The following USH2A variants were observed in gnomAD, a reference collection of about 807,000 sequenced individuals.
The protein encoded by USH2A is usherin.
A neutral mutation model predicts 538.9 loss-of-function variants in USH2A; 443 were observed. The observed-to-expected ratio is 0.82, with a 90% CI of 0.76 to 0.89. USH2A has a LOEUF of 0.89. USH2A is among the 40% of genes least tolerant of loss of function. USH2A has a pLI of 0.00. For missense variants in USH2A, 6,633 were observed against 6,324.8 expected, an observed-to-expected ratio of 1.05 and a Z score of -1.65; for synonymous variants, 2,413 against 2,273.5, an observed-to-expected ratio of 1.06 and a Z score of -1.75.
At position 215,623,241 on chromosome 1, in the gene USH2A, T is replaced by C. The variant is rs1332099969; in HGVS notation, c.*2540A>G. ...TAAGCTGAGAATGTGGCATGTACAA[T>C]TGGTAAAATGTGAGTCAGGAGATTT... On this transcript the variant is annotated 3_prime_UTR_variant, in exon 72 of 72. Transcript: ENST00000307340. 5 of 151,986 alleles carry C rather than the reference T, an allele frequency of 3.3e-5. No homozygotes were observed. The highest frequency in any genetic ancestry group is 5.9e-5 in the Non-Finnish European group (4 of 67,994). The allele number at this position is 151,986 out of a possible 1,614,324, so 9.4% of individuals were successfully genotyped here.
chr1:215,852,322 T>C (rs1474032637), intron 44 of USH2A, among the ~76,000 whole-genome samples: 2 of 152,142 alleles, frequency 1.3e-5, no homozygotes. Flanking sequence ...ATCAGACTTA[T>C]TCACTATCAC....
At chr1:215,975,650 C>A (rs941345783) in intron 35 of USH2A, among the ~76,000 whole-genome samples, 2 of 152,092 alleles carry the variant, frequency 1.3e-5, no homozygotes, top group African/African-American at 4.8e-5. Flanking sequence ...TTTCTAGATT[C>A]TCTTTTCTGT....
chr1:216,397,283 C>T (rs1287175878), intron 3 of USH2A, among the ~76,000 whole-genome samples: 1 of 152,186 alleles, frequency 6.6e-6, no homozygotes, highest in Non-Finnish European at 1.5e-5. Context: ...TTACAACTTG[C>T]CAATACACTT....
chr1:216,355,576 G>A (rs763292888), intron 4 of USH2A, among the ~76,000 whole-genome samples: 104 of 152,090 alleles, frequency 6.8e-4, no homozygotes, highest in Non-Finnish European at 7.4e-4. Flanking sequence ...GAGAGAATTT[G>A]CTTCAGCAGG....
intron 41 of USH2A, among the ~76,000 whole-genome samples, chr1:215,885,414 T>A (rs1434774008): frequency 6.6e-6 from 1 of 152,198 alleles, no homozygotes; most frequent in Non-Finnish European, 1.5e-5. Flanking sequence ...TCTGTACTCA[T>A]AAATGAAATT....
intron 51 of USH2A, 144 bp from the exon 52 acceptor site, chr1:215,787,018 A>G: frequency 1.3e-6 from 1 of 789,792 alleles, no homozygotes; most frequent in South Asian, 1.7e-5. Flanking sequence ...ATAAAAAGAA[A>G]TGAAGGCAGT....
intron 26 of USH2A, among the ~76,000 whole-genome samples, chr1:216,082,128 G>A (rs961818692): frequency 6.6e-5 from 10 of 151,912 alleles, no homozygotes; most frequent in African/African-American, 2.4e-4. Flanking sequence ...GCTCAGTGAA[G>A]GTCACCACAG....
At chr1:216,010,145 T>C (rs1351624026) in intron 32 of USH2A, among the ~76,000 whole-genome samples, 2 of 152,048 alleles carry the variant, frequency 1.3e-5, no homozygotes, top group Non-Finnish European at 2.9e-5. Context: ...TGTACAATAA[T>C]AGAAAAAAGT....
chr1:216,177,116 T>C (rs1469233792), intron 20 of USH2A, among the ~76,000 whole-genome samples: 1 of 152,112 alleles, frequency 6.6e-6, no homozygotes, highest in Non-Finnish European at 1.5e-5. Flanking sequence ...TAAGAGCATG[T>C]TTGGTTTTCA....
rs369103054 is a variant in USH2A, at chr1:215,651,879, C to T, written c.14134-1078G>A. The stretch of plus-strand genomic sequence containing the variant: ...TGGTTTTCATACTTTTCTTTTTTTC[C>T]GGATTCCTTTGTGAAAGTAAATTTT... On this transcript the variant is annotated intron_variant, in intron 64 of 71. Transcript: ENST00000307340. Among the ~76,000 whole-genome samples the T allele has an allele frequency of 4.6e-5, 7 of 151,900 alleles. No individual in the cohort carries two copies. In the East Asian group the frequency reaches 5.8e-4, roughly 13 times the overall value.
chr1:216,245,532 A>T (rs148068002), intron 13 of USH2A, among the ~76,000 whole-genome samples: 8 of 150,714 alleles, frequency 5.3e-5, no homozygotes, highest in Non-Finnish European at 1.0e-4. Context: ...ATGAATATGT[A>T]TCAGTGGAAG....
intron 38 of USH2A, among the ~76,000 whole-genome samples, chr1:215,907,273 G>A (rs1934423): frequency 0.5 from 75,092 of 151,690 alleles, 19,646 homozygotes; most frequent in East Asian, 0.68. Context: ...GGTTGGTCAT[G>A]CTAACAACAC....
chr1:216,328,132 A>G (rs2037772969), intron 4 of USH2A, among the ~76,000 whole-genome samples: 1 of 152,118 alleles, frequency 6.6e-6, no homozygotes, highest in African/African-American at 2.4e-5. Context: ...AAGTTAAATT[A>G]ATGTCTGTTC....
At chr1:215,862,623 C>T (rs757713806) in intron 44 of USH2A, among the ~76,000 whole-genome samples, 1 of 152,170 alleles carries the variant, frequency 6.6e-6, no homozygotes, top group Non-Finnish European at 1.5e-5. Flanking sequence ...CAAGCTTTTA[C>T]TAGACATGGC....
chr1:216,196,040 A>G (rs2034834661), intron 19 of USH2A: 1 of 175,552 alleles, frequency 5.7e-6, no homozygotes, highest in African/African-American at 2.4e-5. Context: ...GCAATATATG[A>G]CTGTATATTC....
In USH2A at chr1:215,807,633, G is replaced by A. The variant is rs1166228849; in HGVS notation, c.9739+6103C>T. On this transcript the variant is annotated intron_variant, in intron 49 of 71. Transcript: ENST00000307340. Reference sequence around the variant, plus strand: ...TTGGAAGCTCTTCATGACTTTCCCTGGCTAGTTGCTAAAAGTCAACTTAGA... The same window carrying A: ...TTGGAAGCTCTTCATGACTTTCCCTAGCTAGTTGCTAAAAGTCAACTTAGA... 5.3e-3 allele frequency among the ~76,000 whole-genome samples: 802 copies of A among 152,152 alleles called. 6 individuals are homozygous for A. Among genetic ancestry groups the A allele is most frequent in the African/African-American group, 0.018 (741 of 41,520 alleles).
chr1:216,032,593 T>C (rs1258599818), intron 32 of USH2A, among the ~76,000 whole-genome samples: 2 of 152,142 alleles, frequency 1.3e-5, no homozygotes, highest in African/African-American at 2.4e-5. Context: ...TCTTACCTTA[T>C]ATGGAGAAAA....
At chr1:216,339,835 G>A (rs2038041898) in intron 4 of USH2A, among the ~76,000 whole-genome samples, 2 of 151,900 alleles carry the variant, frequency 1.3e-5, no homozygotes, top group Admixed American at 6.6e-5. Flanking sequence ...AGCTAAGGCA[G>A]TGTTAAGAGG....
intron 40 of USH2A, among the ~76,000 whole-genome samples, chr1:215,895,577 TGTGA>T (rs2102465848): frequency 6.6e-6 from 1 of 152,322 alleles, no homozygotes; most frequent in South Asian, 2.1e-4. Context: ...TGTAAATTAC[TGTGA>T]GTATCTGAAG....
Sources: gnomAD v4.1 joint callset for allele counts (sites outside exome capture counted in the v4.1 genomes callset) on GRCh38, gnomAD v4.1.1 for gene constraint, MANE v1.5 for transcripts, NCBI Gene and HGNC (gene_info 2026-07-23, HGNC 2026-07-21) for gene names.